Variants in IL1RL2 observed in about 807,000 individuals in gnomAD.
IL1RL2 encodes interleukin 1 receptor like 2.
Under a neutral mutation model 66.8 loss-of-function variants are expected in IL1RL2, and 68 were observed. The ratio of observed to expected loss-of-function variants is 1.02; its 90% CI spans 0.84 to 1.25. The LOEUF (loss-of-function observed/expected upper bound fraction) is 1.25. Among genes scored for constraint, IL1RL2 ranks in the 50% most tolerant of loss-of-function variants. The probability of loss-of-function intolerance (pLI) is 0.00; values close to 1 mark genes in which losing one functional copy is unlikely to be tolerated. For missense variants in IL1RL2, 729 were observed against 709.3 expected (o/e 1.03, Z -0.32); for synonymous variants, 305 against 264.6 (o/e 1.15, Z -1.48).
chr2:102,220,137 C>A, intron 8 of IL1RL2, 120 bp downstream of exon 8: 1 of 836,090 alleles, frequency 1.2e-6, no homozygotes. Flanking sequence ...ATTAAAGGGA[C>A]AAACTCAGTA....
At chr2:102,222,216 T>C (rs2104844799) in intron 8 of IL1RL2, among the ~76,000 whole-genome samples, 1 of 152,352 alleles carries the variant, frequency 6.6e-6, no homozygotes, top group Middle Eastern at 3.4e-3. Flanking sequence ...GCTTAGTTCA[T>C]TAATTTACGT....
At chr2:102,201,409 A>G (rs778012541) in intron 4 of IL1RL2, 147 bp from the exon 5 acceptor site, 10 of 658,060 alleles carry the variant, frequency 1.5e-5, no homozygotes, top group Non-Finnish European at 2.4e-5. Context: ...TCCATCTATC[A>G]TCAATCTATC....
chr2:102,202,209 C>T lies in IL1RL2; in HGVS notation c.649+494C>T, dbSNP rs1439813978. On this transcript the variant is annotated intron_variant, in intron 5 of 11. Coordinates refer to ENST00000264257, the MANE Select transcript of IL1RL2 (RefSeq NM_003854.4). ...TTCTCAGCCCAGAGCAGCCAGCTCTCTTGAACATATGCCTGGAGGTTTGAA... is the reference window on the plus strand; with the variant it reads ...TTCTCAGCCCAGAGCAGCCAGCTCTTTTGAACATATGCCTGGAGGTTTGAA... 5.9e-5 allele frequency among the ~76,000 whole-genome samples: 9 copies of T among 152,196 alleles called. No homozygotes were observed. In the East Asian group the frequency reaches 1.7e-3, roughly 29 times the overall value.
At chr2:102,216,944 T>C (rs1689665301) in intron 6 of IL1RL2, among the ~76,000 whole-genome samples, 1 of 152,214 alleles carries the variant, frequency 6.6e-6, no homozygotes. Context: ...ATTGTGTCTG[T>C]AGTTATTTTT....
chr2:102,235,783 T>C, intron 11 of IL1RL2: 1 of 985,438 alleles, frequency 1.0e-6, no homozygotes, highest in Non-Finnish European at 1.2e-6. Flanking sequence ...TTGCTGTGTC[T>C]GCGTCTCTCT....
At chr2:102,235,425 TTTG>T in intron 11 of IL1RL2, 148 bp downstream of exon 11, 1 of 1,443,944 alleles carries the variant, frequency 6.9e-7, no homozygotes, top group Non-Finnish European at 9.1e-7. Context: ...ATCTGTTGTG[TTTG>T]TTGTCATTTG....
At chr2:102,233,206 G>A (rs1578200394) in intron 10 of IL1RL2, 82 bp downstream of exon 10, 1 of 1,332,368 alleles carries the variant, frequency 7.5e-7, no homozygotes, top group Non-Finnish European at 1.0e-6. Context: ...TAATGGCGGT[G>A]ACTCTGCCTG....
At chr2:102,207,098 G>T (rs1272506687) in intron 5 of IL1RL2, among the ~76,000 whole-genome samples, 1 of 152,114 alleles carries the variant, frequency 6.6e-6, no homozygotes, top group East Asian at 1.9e-4. Context: ...TCTTAAGTCA[G>T]CTTGTGGCAA....
At chr2:102,220,050 G>A in intron 8 of IL1RL2, 33 bp downstream of exon 8, 1 of 1,558,634 alleles carries the variant, frequency 6.4e-7, no homozygotes, top group Non-Finnish European at 8.8e-7. Context: ...ACTGTTCAGA[G>A]TGTTCAAAAC....
intron 9 of IL1RL2, among the ~76,000 whole-genome samples, chr2:102,229,891 C>G (rs909952488): frequency 6.6e-6 from 1 of 152,180 alleles, no homozygotes; most frequent in Non-Finnish European, 1.5e-5. Context: ...CCTCAGACAC[C>G]TTGTTTAGAA....
In IL1RL2 at chr2:102,235,917, C is replaced by T. The variant is rs908735216; in HGVS notation, c.1678+640C>T. 5 of 985,234 alleles carry T rather than the reference C, an allele frequency of 5.1e-6. No individual in the cohort carries two copies. The African/African-American group carries it at 7.0e-5, about 14-fold the overall frequency. The allele number at this position is 985,234 out of a possible 1,614,324, so 61.0% of individuals were successfully genotyped here. ...GTGGCCATGACTGCCTCTTGGTCAC[C>T]CTTCCATGTTTGAGAGGCTTTATCT... is the stretch of plus-strand genomic sequence containing the variant. On this transcript the variant is annotated intron_variant, in intron 11 of 11. Coordinates refer to ENST00000264257, the MANE Select transcript of IL1RL2 (RefSeq NM_003854.4).
intron 8 of IL1RL2, among the ~76,000 whole-genome samples, chr2:102,224,929 C>T (rs185824597): frequency 3.2e-4 from 49 of 152,170 alleles, no homozygotes; most frequent in Non-Finnish European, 5.7e-4. Flanking sequence ...TCTTCCTCCC[C>T]TCCTCTGCCC....
chr2:102,239,462 G>A lies in IL1RL2; in HGVS notation c.*221G>A. On this transcript the variant is annotated 3_prime_UTR_variant, in exon 12 of 12. Coordinates refer to ENST00000264257, the MANE Select transcript of IL1RL2 (RefSeq NM_003854.4). ...CCATCCCCGTGGTCATGGAGGGTGAGAGCTGGGGGTTATCCCCATGGTCAT... is the reference window on the plus strand; with the variant it reads ...CCATCCCCGTGGTCATGGAGGGTGAAAGCTGGGGGTTATCCCCATGGTCAT... 4.0e-6 allele frequency: 2 copies of A among 503,676 alleles called. No homozygotes were observed. The highest frequency in any genetic ancestry group is 4.1e-5 in the South Asian group (2 of 48,310). The allele number at this position is 503,676 out of a possible 1,614,324, so 31.2% of individuals were successfully genotyped here.
chr2:102,230,771 T>G (rs192926466), intron 9 of IL1RL2, among the ~76,000 whole-genome samples: 78 of 152,330 alleles, frequency 5.1e-4, no homozygotes, highest in African/African-American at 1.7e-3. Flanking sequence ...GTGTTTGTGT[T>G]ACCATTCTCT....
intron 1 of IL1RL2, 99 bp downstream of exon 1, chr2:102,187,185 C>G: frequency 3.2e-6 from 4 of 1,238,178 alleles, no homozygotes; most frequent in Non-Finnish European, 4.2e-6. Context: ...TGTGTGCCAC[C>G]GCAGGCCAGG....
intron 5 of IL1RL2, among the ~76,000 whole-genome samples, chr2:102,203,867 T>C (rs1238123848): frequency 6.6e-6 from 1 of 152,140 alleles, no homozygotes; most frequent in Non-Finnish European, 1.5e-5. Flanking sequence ...ACCAACTTTT[T>C]GTTTCATTGA....
chr2:102,233,623 G>C (rs945484980), intron 10 of IL1RL2, among the ~76,000 whole-genome samples: 3 of 152,066 alleles, frequency 2.0e-5, no homozygotes, highest in African/African-American at 7.2e-5. Flanking sequence ...TTTCCCACTT[G>C]ATAGGAAGGT....
intron 1 of IL1RL2, chr2:102,187,477 G>A: frequency 3.5e-6 from 3 of 851,886 alleles, no homozygotes; most frequent in Non-Finnish European, 4.6e-6. Context: ...GGGGTCCCAC[G>A]TCTGGAACCC....
intron 4 of IL1RL2, among the ~76,000 whole-genome samples, chr2:102,199,809 C>A (rs567503817): frequency 6.6e-6 from 1 of 152,302 alleles, no homozygotes; most frequent in African/African-American, 2.4e-5. Flanking sequence ...TAGCCAGAGA[C>A]TATCCAGGGC....
Sources: gnomAD v4.1 joint callset for allele counts (sites outside exome capture counted in the v4.1 genomes callset) on GRCh38, gnomAD v4.1.1 for gene constraint, MANE v1.5 for transcripts, NCBI Gene and HGNC (gene_info 2026-07-23, HGNC 2026-07-21) for gene names.